ZNF487: variants seen among roughly 807,000 people sequenced by gnomAD.
ZNF487 encodes the protein zinc finger protein 487, also known as KRAB domain only 1.
A neutral mutation model predicts 3.0 loss-of-function variants in ZNF487; 4 were observed. The observed-to-expected ratio is 1.35, with a 90% CI of 0.66 to 3.08. ZNF487 has a LOEUF of 3.08. ZNF487 is among the 30% of genes most tolerant of loss of function. The pLI is 0.01. For synonymous variants in ZNF487, 55 were observed against 34.6 expected (o/e 1.59, Z -2.06); for missense variants, 146 against 98.7 (o/e 1.48, Z -2.03).
intron 1 of ZNF487, among the ~76,000 whole-genome samples, chr10:43,441,456 G>A (rs1450562630): frequency 6.6e-6 from 1 of 151,834 alleles, no homozygotes; most frequent in South Asian, 2.1e-4. Flanking sequence ...TAGTAGAGAC[G>A]GGGTTTCACC....
chr10:43,496,111 G>T, the ZNF487 span: 1 of 532,646 alleles, frequency 1.9e-6, no homozygotes. Context: ...TGAATGTAAT[G>T]CTGGAGAACT....
At chr10:43,481,278 C>T (rs1264208664) in intron 3 of ZNF487, 151 bp from the exon 4 acceptor site, 2 of 563,040 alleles carry the variant, frequency 3.6e-6, no homozygotes, top group Non-Finnish European at 6.2e-6. Context: ...CTGCAGTGAG[C>T]CATGATCACA....
At chr10:43,446,374 G>C (rs1470195751) in intron 1 of ZNF487, among the ~76,000 whole-genome samples, 4 of 151,204 alleles carry the variant, frequency 2.6e-5, no homozygotes, top group Non-Finnish European at 5.9e-5. Flanking sequence ...GCGGCTGCCA[G>C]GCGGAGAGGC....
intron 1 of ZNF487, among the ~76,000 whole-genome samples, chr10:43,470,177 C>T (rs1186549715): frequency 6.6e-6 from 1 of 151,948 alleles, no homozygotes; most frequent in African/African-American, 2.4e-5. Context: ...CTTCACTTGG[C>T]TTACAGGACA....
chr10:43,499,471 C>CA, the ZNF487 span, among the ~76,000 whole-genome samples: 1 of 152,226 alleles, frequency 6.6e-6, no homozygotes, highest in African/African-American at 2.4e-5. Context: ...GGCTGGAGTG[C>CA]AGTGGTGTGA....
intron 1 of ZNF487, among the ~76,000 whole-genome samples, chr10:43,461,285 G>A (rs976558871): frequency 6.6e-6 from 1 of 151,072 alleles, no homozygotes; most frequent in African/African-American, 2.4e-5. Flanking sequence ...GGGATTACAG[G>A]CGTGAGCCAA....
downstream of ZNF487, among the ~76,000 whole-genome samples, chr10:43,483,439 C>T (rs1421184542): frequency 1.3e-5 from 2 of 151,818 alleles, no homozygotes; most frequent in Non-Finnish European, 2.9e-5. Context: ...GGGGTTTCAC[C>T]ATGTTGGTCA....
chr10:43,487,202 C>T (rs867727450), downstream of ZNF487, among the ~76,000 whole-genome samples: 1 of 148,658 alleles, frequency 6.7e-6, no homozygotes, highest in Non-Finnish European at 1.5e-5. Flanking sequence ...TGCAGTGGCA[C>T]GATCTCAGCT....
the ZNF487 span, among the ~76,000 whole-genome samples, chr10:43,504,591 G>A: frequency 6.6e-6 from 1 of 150,550 alleles, no homozygotes; most frequent in African/African-American, 2.4e-5. Flanking sequence ...CACCATGCCC[G>A]GCACATGTTT....
At chr10:43,522,035 A>G in the ZNF487 span, among the ~76,000 whole-genome samples, 1 of 152,222 alleles carries the variant, frequency 6.6e-6, no homozygotes, top group African/African-American at 2.4e-5. Context: ...AAGAAAATGA[A>G]GATACAACAG....
At chr10:43,484,702 T>A (rs929881826), downstream of ZNF487, among the ~76,000 whole-genome samples, 1 of 152,156 alleles carries the variant, frequency 6.6e-6, no homozygotes, top group Non-Finnish European at 1.5e-5. Context: ...AACAAATATT[T>A]AAAAAAATCT....
intron 1 of ZNF487, among the ~76,000 whole-genome samples, chr10:43,444,350 G>C (rs61859006): frequency 6.6e-6 from 1 of 152,110 alleles, no homozygotes; most frequent in Non-Finnish European, 1.5e-5. Flanking sequence ...CCAAGATCCC[G>C]TGCTGGTCTG....
At chr10:43,461,507 G>A (rs757974001) in intron 1 of ZNF487, among the ~76,000 whole-genome samples, 1 of 151,812 alleles carries the variant, frequency 6.6e-6, no homozygotes, top group East Asian at 1.9e-4. Context: ...TTTTTTTAGA[G>A]ATGGTGTTTT....
the ZNF487 span, among the ~76,000 whole-genome samples, chr10:43,489,576 A>G: frequency 1.3e-5 from 2 of 151,910 alleles, no homozygotes; most frequent in South Asian, 2.1e-4. Flanking sequence ...CTGATCTCGA[A>G]CTCCTGACCC....
At chr10:43,440,133 C>T (rs1295215173) in intron 1 of ZNF487, among the ~76,000 whole-genome samples, 1 of 150,980 alleles carries the variant, frequency 6.6e-6, no homozygotes, top group African/African-American at 2.4e-5. Flanking sequence ...ACTGCAGCCT[C>T]TGCCTGCCCG....
the ZNF487 span, among the ~76,000 whole-genome samples, chr10:43,513,874 C>G: frequency 2.0e-5 from 3 of 152,158 alleles, no homozygotes; most frequent in Admixed American, 1.3e-4. Context: ...CCCCTGGAAT[C>G]GTTAGCTCAG....
chr10:43,450,139 G>T (rs891792926), intron 1 of ZNF487, among the ~76,000 whole-genome samples: 2 of 152,176 alleles, frequency 1.3e-5, no homozygotes, highest in Non-Finnish European at 2.9e-5. Context: ...CGCCTCTCGG[G>T]TTCAAGTGAT....
chr10:43,498,092 TATATATA>T, the ZNF487 span, among the ~76,000 whole-genome samples: 4,011 of 21,174 alleles, frequency 0.19, 493 homozygotes, highest in East Asian at 0.27. Context: ...TATATATATA[TATATATA>T]TTTTTTTTTT....
At chr10:43,493,217 C>T in the ZNF487 span, among the ~76,000 whole-genome samples, 2 of 151,968 alleles carry the variant, frequency 1.3e-5, no homozygotes, top group African/African-American at 2.4e-5. Context: ...GCAACAAGAG[C>T]GAAACTCCTT....
Sources: allele counts gnomAD v4.1 joint callset (sites outside exome capture counted in the v4.1 genomes callset), GRCh38; gene constraint gnomAD v4.1.1; transcripts MANE v1.5; gene names NCBI Gene and HGNC (gene_info 2026-07-23, HGNC 2026-07-21).